Variants in CD200R1L observed in about 807,000 individuals in gnomAD.
CD200R1L encodes CD200 receptor 1 like, also known as cell surface glycoprotein CD200 receptor 2.
A neutral mutation model predicts 24.8 loss-of-function variants in CD200R1L; 14 were observed. The observed-to-expected ratio is 0.56, with a 90% CI of 0.37 to 0.88. The LOEUF is 0.88. CD200R1L is among the 40% of genes least tolerant of loss of function. The probability of loss-of-function intolerance (pLI) is 0.00; values close to 1 mark genes in which losing one functional copy is unlikely to be tolerated. For synonymous variants in CD200R1L, 111 were observed against 109.2 expected (o/e 1.02, Z -0.11); for missense variants, 299 against 297.8 (o/e 1.00, Z -0.03).
Position 112,827,459 on chromosome 3 carries a change from C to G in CD200R1L, c.275G>C (p.Arg92Pro). 1.2e-6 allele frequency: 2 copies of G among 1,613,918 alleles called. No individual in the cohort carries two copies. Among genetic ancestry groups the G allele is most frequent in the South Asian group, 2.2e-5 (2 of 91,082 alleles). ...RPDQNSDLQIRPVDTTHDGYY... is the reference protein window; with the variant it reads ...RPDQNSDLQIPPVDTTHDGYY... ...CCCGTCATGAGTGGTGTCCACCGGA[C>G]GAATCTGAAGGTCCGAATTCTGATC... The change falls in exon 5 of 8, where the codon CGT becomes CCT. Residue 92 changes from arginine to proline, a missense_variant. Transcript: ENST00000488794.
chr3:112,830,525 T>C (rs1938772141), intron 3 of CD200R1L, among the ~76,000 whole-genome samples: 1 of 144,646 alleles, frequency 6.9e-6, no homozygotes, highest in African/African-American at 2.5e-5. Context: ...TTTTGCATTG[T>C]CTCATTTCTC....
At position 112,846,671 on chromosome 3, in the gene CD200R1L, T is replaced by C. The variant is rs573531587; in HGVS notation, c.-405A>G. 5.9e-5 allele frequency: 9 copies of C among 152,364 alleles called. No homozygotes were observed. Among genetic ancestry groups the C allele is most frequent in the African/African-American group, 2.2e-4 (9 of 41,584 alleles). The allele number at this position is 152,364 out of a possible 1,614,324, so 9.4% of individuals were successfully genotyped here. A position where few individuals can be genotyped will look rare whatever the true frequency, so the allele number is the denominator to read the frequency against. On this transcript the variant is annotated 5_prime_UTR_variant, in exon 1 of 8. Transcript: ENST00000488794. Reference sequence around the variant, plus strand: ...GAAATAGGGTCATTGGAGATATAATTAGTTAAGATGTGGCCATGCTGAAAT... The same window carrying C: ...GAAATAGGGTCATTGGAGATATAATCAGTTAAGATGTGGCCATGCTGAAAT...
chr3:112,832,480 C>A (rs577407604), intron 3 of CD200R1L, among the ~76,000 whole-genome samples: 2 of 152,216 alleles, frequency 1.3e-5, no homozygotes, highest in South Asian at 2.1e-4. Flanking sequence ...CAAACCACCC[C>A]CCTTGGCGAA....
intron 5 of CD200R1L, 28 bp from the exon 6 acceptor site, chr3:112,827,269 G>T (rs1183062045): frequency 6.3e-7 from 1 of 1,591,728 alleles, no homozygotes; most frequent in Non-Finnish European, 8.6e-7. Context: ...GGAAAAAAAT[G>T]CTTCAGTTTT....
chr3:112,829,460 C>G, intron 3 of CD200R1L, 76 bp from the exon 4 acceptor site: 1 of 1,406,466 alleles, frequency 7.1e-7, no homozygotes, highest in Non-Finnish European at 1.0e-6. Flanking sequence ...TCCCCACAGT[C>G]TTACTCAACA....
Position 112,827,188 on chromosome 3 carries a change from C to T in CD200R1L, c.421G>A (p.Ala141Thr), listed in dbSNP as rs764454316. The part of the protein sequence containing the change: ...QSRNITAVCK[A>T]VTGKPAAQIS... ...TGGGCAGCTGGCTTCCCTGTAACTG[C>T]CTTGCATACTGCAGTTATATTCCTG... The change falls in exon 6 of 8, where the codon GCA becomes ACA. Residue 141 changes from alanine (A) to threonine (T), a missense_variant. Ala to Thr is a moderately conservative substitution (Grantham distance 58). Transcript: ENST00000488794. The T allele has an allele frequency of 3.7e-6, 6 of 1,613,528 alleles. No individual in the cohort carries two copies. The East Asian group carries it at 8.9e-5, about 24-fold the overall frequency.
At chr3:112,834,379 C>T (rs1409038705) in intron 3 of CD200R1L, among the ~76,000 whole-genome samples, 1 of 151,800 alleles carries the variant, frequency 6.6e-6, no homozygotes, top group African/African-American at 2.4e-5. Context: ...GCTTCCAAAT[C>T]CCAGTAATTT....
intron 6 of CD200R1L, among the ~76,000 whole-genome samples, chr3:112,825,854 G>A (rs75319189): frequency 6.6e-6 from 1 of 152,168 alleles, no homozygotes; most frequent in African/African-American, 2.4e-5. Context: ...TACTACAGAA[G>A]GGAAGATCAG....
intron 3 of CD200R1L, among the ~76,000 whole-genome samples, chr3:112,831,232 T>G (rs1362739631): frequency 2.6e-5 from 4 of 152,204 alleles, no homozygotes; most frequent in Non-Finnish European, 5.9e-5. Context: ...ACATTTGATA[T>G]AAATGCATTT....
chr3:112,819,280 G>A (rs184575144), intron 7 of CD200R1L, among the ~76,000 whole-genome samples: 5 of 152,250 alleles, frequency 3.3e-5, no homozygotes, highest in East Asian at 3.9e-4. Flanking sequence ...ACATCAAGTC[G>A]CAAAAGAAGT....
At chr3:112,826,947 A>AAAG (rs751303202) in intron 6 of CD200R1L, 46 bp downstream of exon 6, 223 of 1,505,076 alleles carry the variant, frequency 1.5e-4, no homozygotes, top group Admixed American at 5.8e-4. Context: ...TATGGAAGAA[A>AAAG]AAGTTGAGCA....
At chr3:112,836,352 C>T (rs1938945230) in intron 3 of CD200R1L, among the ~76,000 whole-genome samples, 2 of 152,222 alleles carry the variant, frequency 1.3e-5, no homozygotes. Flanking sequence ...GGCAGAAGTC[C>T]TACTGATGGC....
intron 3 of CD200R1L, among the ~76,000 whole-genome samples, chr3:112,836,442 G>T (rs530080555): frequency 2.6e-5 from 4 of 152,332 alleles, no homozygotes; most frequent in African/African-American, 7.2e-5. Flanking sequence ...TATGCCTTTT[G>T]TACTCTCATA....
At position 112,837,269 on chromosome 3, in the gene CD200R1L, G is replaced by T. The variant is rs532286611; in HGVS notation, c.-18+673C>A. Among the ~76,000 whole-genome samples the T allele has an allele frequency of 1.4e-4, 22 of 151,800 alleles. 1 individual carries two copies. Among genetic ancestry groups the T allele is most frequent in the Admixed American group, 9.2e-4 (14 of 15,274 alleles). ...TTTTTTTAAATTTACTTCCCATTTA[G>T]AATAGTCTTTATCCCATTAAAAAAA... is the stretch of plus-strand genomic sequence containing the variant. On this transcript the variant is annotated intron_variant, in intron 3 of 7. Transcript: ENST00000488794.
At chr3:112,819,404 C>T (rs1450074088) in intron 7 of CD200R1L, among the ~76,000 whole-genome samples, 1 of 152,116 alleles carries the variant, frequency 6.6e-6, no homozygotes, top group Non-Finnish European at 1.5e-5. Context: ...AGGAAAAAAG[C>T]CCATAAAATA....
rs748483721 is a variant in CD200R1L, at chr3:112,827,058, G to GTT, written c.550_551insAA (p.Ser184Ter). The change falls in exon 6 of 8, where the codon TCT (serine) becomes TAACT (stop). Residue 184 changes from serine to a stop codon, truncating the protein, a stop_gained and frameshift_variant. Coordinates refer to ENST00000488794, the MANE Select transcript of CD200R1L (RefSeq NM_001199215.3). LOFTEE classifies it high-confidence loss of function. ...ATGGGAGACATGGCAGGTCACAGTA[G>GTT]ACTTGTGGCCCTCCCAGGGGCATGT... Reference protein sequence around the residue: ...KSTCPWEGHKSTVTCHVSHLT... With the variant: ...KSTCPWEGHK 3.7e-6 allele frequency: 6 copies of GTT among 1,602,002 alleles called. No homozygotes were observed. Among genetic ancestry groups the GTT allele is most frequent in the Non-Finnish European group, 4.3e-6 (5 of 1,173,088 alleles).
intron 7 of CD200R1L, 117 bp downstream of exon 7, chr3:112,819,655 G>T: frequency 9.1e-7 from 1 of 1,094,186 alleles, no homozygotes; most frequent in Non-Finnish European, 1.3e-6. Context: ...GCTGGAGGGA[G>T]AATACAACAT....
chr3:112,840,592 C>T (rs1211739582), intron 2 of CD200R1L, among the ~76,000 whole-genome samples: 2 of 152,178 alleles, frequency 1.3e-5, no homozygotes, highest in Non-Finnish European at 2.9e-5. Context: ...TTAGTGAGGA[C>T]ACAGACCCAA....
chr3:112,823,414 G>A (rs1938587098), intron 6 of CD200R1L, among the ~76,000 whole-genome samples: 1 of 152,224 alleles, frequency 6.6e-6, no homozygotes, highest in Admixed American at 6.5e-5. Flanking sequence ...ACTGGTGTCT[G>A]AAGTGAGGAA....
Sources: gnomAD v4.1 joint callset for allele counts (sites outside exome capture counted in the v4.1 genomes callset) on GRCh38, gnomAD v4.1.1 for gene constraint, MANE v1.5 for transcripts, NCBI Gene and HGNC (gene_info 2026-07-23, HGNC 2026-07-21) for gene names.